Variants in MRTFA observed in about 807,000 individuals in gnomAD.
MRTFA encodes the protein myocardin related transcription factor A.
MRTFA carries 20 observed loss-of-function variants against 83.5 expected under a neutral mutation model. That is an observed-to-expected ratio of 0.24 (90% CI 0.17 to 0.35). The LOEUF (loss-of-function observed/expected upper bound fraction) is 0.35. MRTFA is among the 10% of genes least tolerant of loss of function. MRTFA has a pLI of 1.00. For synonymous variants in MRTFA, 659 were observed against 541.2 expected (o/e 1.22, Z -3.02); for missense variants, 1,200 against 1,224.7 (o/e 0.98, Z 0.30).
chr22:40,625,900 G>A (rs1569358391), intron 1 of MRTFA, among the ~76,000 whole-genome samples: 1 of 152,220 alleles, frequency 6.6e-6, no homozygotes, highest in East Asian at 1.9e-4. Flanking sequence ...AATTTAAAGA[G>A]TGAAAGGCTC....
intron 4 of MRTFA, among the ~76,000 whole-genome samples, chr22:40,449,277 A>G (rs1157261920): frequency 1.3e-5 from 2 of 148,322 alleles, no homozygotes; most frequent in Non-Finnish European, 3.0e-5. Flanking sequence ...CAAACGAGAA[A>G]AAAAAAAAAA....
intron 1 of MRTFA, among the ~76,000 whole-genome samples, chr22:40,635,274 C>T (rs564691035): frequency 1.1e-4 from 17 of 152,224 alleles, no homozygotes; most frequent in Non-Finnish European, 2.2e-4. Flanking sequence ...AGTAAAACTG[C>T]GTAAGTGACA....
chr22:40,533,506 C>G (rs750899481), intron 3 of MRTFA: 5 of 769,628 alleles, frequency 6.5e-6, no homozygotes, highest in Non-Finnish European at 8.8e-6. Flanking sequence ...CAAATATGAC[C>G]CATTTTTTTT....
intron 3 of MRTFA, among the ~76,000 whole-genome samples, chr22:40,500,224 C>T (rs974249186): frequency 2.7e-5 from 4 of 150,412 alleles, no homozygotes; most frequent in African/African-American, 9.7e-5. Context: ...CCACCGCGCC[C>T]GGCCCAGTCT....
chr22:40,599,033 C>A (rs1039369391), intron 1 of MRTFA, among the ~76,000 whole-genome samples: 1 of 147,572 alleles, frequency 6.8e-6, no homozygotes, highest in African/African-American at 2.5e-5. Context: ...CGTGGTGGCT[C>A]ACACCTGTAA....
intron 3 of MRTFA, among the ~76,000 whole-genome samples, chr22:40,546,973 G>A (rs1739394778): frequency 2.0e-5 from 3 of 152,040 alleles, no homozygotes; most frequent in Non-Finnish European, 4.4e-5. Context: ...GGCTAACACG[G>A]TGAAACCCTG....
chr22:40,430,860 C>CAAAAA (rs1171650702), intron 6 of MRTFA, among the ~76,000 whole-genome samples: 17 of 34,960 alleles, frequency 4.9e-4, no homozygotes, highest in African/African-American at 6.0e-4. Context: ...GACTCCATCA[C>CAAAAA]AAAAAAAAAA....
chr22:40,559,789 A>G (rs189548060), intron 2 of MRTFA, among the ~76,000 whole-genome samples: 3 of 152,364 alleles, frequency 2.0e-5, no homozygotes, highest in Non-Finnish European at 2.9e-5. Context: ...GAAAATAAGA[A>G]TATCAAATTC....
chr22:40,503,569 G>A (rs1190174656), intron 3 of MRTFA, among the ~76,000 whole-genome samples: 1 of 152,026 alleles, frequency 6.6e-6, no homozygotes, highest in African/African-American at 2.4e-5. Flanking sequence ...TTGAGACTCC[G>A]ATATTATTGA....
chr22:40,593,186 A>T (rs1662010284), intron 2 of MRTFA, among the ~76,000 whole-genome samples: 1 of 152,210 alleles, frequency 6.6e-6, no homozygotes, highest in Non-Finnish European at 1.5e-5. Flanking sequence ...AAAAGAAAAA[A>T]ATTAACTCAT....
intron 3 of MRTFA, among the ~76,000 whole-genome samples, chr22:40,502,403 C>T (rs1418161267): frequency 2.5e-5 from 3 of 120,716 alleles, no homozygotes; most frequent in Non-Finnish European, 5.3e-5. Context: ...CGGGCAGAGG[C>T]GCTCCTCACA....
At position 40,509,982 on chromosome 22, in the gene MRTFA, TAA is replaced by T. The variant is rs556051473; in HGVS notation, c.241+42122_241+42123del. On this transcript the variant is annotated intron_variant, in intron 3 of 14. Coordinates refer to ENST00000355630, the MANE Select transcript of MRTFA (RefSeq NM_020831.6). The stretch of plus-strand genomic sequence containing the variant: ...ATCAAGAAACAGCAGCCAAGTACTT[TAA>T]AAAAAAAAAAAAAGTGAAGTTAATA... Among the ~76,000 whole-genome samples, 191 of 108,110 alleles carry T rather than the reference TAA, an allele frequency of 1.8e-3. 3 individuals are homozygous for T. The highest frequency in any genetic ancestry group is 6.7e-3 in the African/African-American group (184 of 27,560). 70.9% of individuals were successfully genotyped at this position (108,110 alleles called of 152,430 possible).
chr22:40,507,004 G>A (rs1002336870), intron 3 of MRTFA, among the ~76,000 whole-genome samples: 2 of 152,072 alleles, frequency 1.3e-5, no homozygotes, highest in African/African-American at 2.4e-5. Context: ...GATACATTAC[G>A]GTCTCCAATG....
chr22:40,635,650 A>G (rs1287976136), intron 1 of MRTFA, among the ~76,000 whole-genome samples: 1 of 152,216 alleles, frequency 6.6e-6, no homozygotes, highest in Non-Finnish European at 1.5e-5. Context: ...GCTTAAAGGC[A>G]CACAGGCAAA....
intron 3 of MRTFA, among the ~76,000 whole-genome samples, chr22:40,473,027 A>G (rs1227662074): frequency 6.6e-6 from 1 of 152,232 alleles, no homozygotes; most frequent in Non-Finnish European, 1.5e-5. Context: ...ACAACCCAAT[A>G]AAGAGATAAA....
chr22:40,580,317 G>C (rs866796799), intron 2 of MRTFA, among the ~76,000 whole-genome samples: 1 of 151,742 alleles, frequency 6.6e-6, no homozygotes. Context: ...TCCCACCTTA[G>C]CCTCCTGAGT....
chr22:40,607,491 G>A (rs558899853), intron 1 of MRTFA, among the ~76,000 whole-genome samples: 6 of 141,066 alleles, frequency 4.3e-5, no homozygotes, highest in African/African-American at 1.0e-4. Flanking sequence ...GCGACAGAGC[G>A]AGACTCCGTC....
chr22:40,572,302 A>T (rs1185260746), intron 2 of MRTFA, among the ~76,000 whole-genome samples: 1 of 152,220 alleles, frequency 6.6e-6, no homozygotes, highest in Non-Finnish European at 1.5e-5. Flanking sequence ...ATGTGAATAT[A>T]CTAAAAACCA....
At chr22:40,457,535 C>T (rs2053618830) in intron 4 of MRTFA, among the ~76,000 whole-genome samples, 2 of 151,212 alleles carry the variant, frequency 1.3e-5, no homozygotes, top group Admixed American at 1.3e-4. Context: ...AGATATGCAA[C>T]TTCAGACAGA....
Sources: gnomAD v4.1 joint callset for allele counts (sites outside exome capture counted in the v4.1 genomes callset) on GRCh38, gnomAD v4.1.1 for gene constraint, MANE v1.5 for transcripts, NCBI Gene and HGNC (gene_info 2026-07-23, HGNC 2026-07-21) for gene names.